Variants in ADAMTS18 observed in about 807,000 individuals in gnomAD.
The protein encoded by ADAMTS18 is A disintegrin and metalloproteinase with thrombospondin motifs 18.
A neutral mutation model predicts 165.9 loss-of-function variants in ADAMTS18; 157 were observed. That is an observed-to-expected ratio of 0.95 (90% CI 0.83 to 1.08). ADAMTS18 has a LOEUF of 1.08. Among genes scored for constraint, ADAMTS18 ranks in the 50% least tolerant of loss-of-function variants. The probability of loss-of-function intolerance (pLI) is 0.00; values close to 1 mark genes in which losing one functional copy is unlikely to be tolerated. For missense variants in ADAMTS18, 2,040 were observed against 1,534.0 expected, an observed-to-expected ratio of 1.33 and a Z score of -5.51; for synonymous variants, 782 against 578.2, an observed-to-expected ratio of 1.35 and a Z score of -5.06.
intron 16 of ADAMTS18, among the ~76,000 whole-genome samples, chr16:77,318,298 G>A (rs1238348411): frequency 6.6e-6 from 1 of 152,124 alleles, no homozygotes; most frequent in Non-Finnish European, 1.5e-5. Context: ...ACCTCCCACA[G>A]AGGCAACCAT....
Position 77,341,784 on chromosome 16 carries a change from G to C in ADAMTS18, c.1630C>G (p.Leu544Val). The C allele has an allele frequency of 6.2e-7, 1 of 1,612,344 alleles. No individual in the cohort carries two copies. Among genetic ancestry groups the C allele is most frequent in the Non-Finnish European group, 8.5e-7 (1 of 1,179,258 alleles). The change falls in exon 11 of 23, where the codon CTT becomes GTT. Residue 544 changes from leucine (L) to valine (V), a missense_variant. Transcript: ENST00000282849. ...CTGTGGCCTACTCGGTGGCACCAAAGTGATTTGCAAATATCCTGAAATAAA... is the reference window on the plus strand; with the variant it reads ...CTGTGGCCTACTCGGTGGCACCAAACTGATTTGCAAATATCCTGAAATAAA... ...LGFVKDICKS[L>V]WCHRVGHRCE... is the part of the protein sequence containing the mutation.
At chr16:77,408,187 T>C (rs1362759387) in intron 3 of ADAMTS18, among the ~76,000 whole-genome samples, 1 of 152,112 alleles carries the variant, frequency 6.6e-6, no homozygotes, top group East Asian at 1.9e-4. Context: ...GATTAAACTT[T>C]AAAAACACAA....
At chr16:77,287,918 T>TTTAAG (rs1369483039) in intron 22 of ADAMTS18, among the ~76,000 whole-genome samples, 2 of 152,016 alleles carry the variant, frequency 1.3e-5, no homozygotes, top group Non-Finnish European at 2.9e-5. Flanking sequence ...AACAGGACCT[T>TTTAAG]TTAAGAATAG....
chr16:77,298,494 A>T (rs1347760240), intron 17 of ADAMTS18, among the ~76,000 whole-genome samples: 1 of 152,164 alleles, frequency 6.6e-6, no homozygotes, highest in Non-Finnish European at 1.5e-5. Context: ...GGAGGCACTT[A>T]CGAAAACCAC....
At position 77,434,778 on chromosome 16, in the gene ADAMTS18, C is replaced by T; in HGVS notation, c.-83G>A. The T allele has an allele frequency of 8.5e-7, 1 of 1,177,470 alleles. No homozygotes were observed. The highest frequency in any genetic ancestry group is 1.1e-6 in the Non-Finnish European group (1 of 915,186). 72.9% of individuals were successfully genotyped at this position (1,177,470 alleles called of 1,614,324 possible). A position where few individuals can be genotyped will look rare whatever the true frequency, so the allele number is the denominator to read the frequency against. ...GCGGCGCGCATTCTTTCCGCGGCCC[C>T]GGAGCTCGGCGCCCCAGGTGCGGCT... On this transcript the variant is annotated 5_prime_UTR_variant, in exon 1 of 23. Transcript: ENST00000282849.
chr16:77,374,803 T>G (rs371250985), intron 3 of ADAMTS18, among the ~76,000 whole-genome samples: 16 of 152,162 alleles, frequency 1.1e-4, no homozygotes, highest in African/African-American at 3.6e-4. Context: ...ACAAACACTT[T>G]GTCTCACATA....
chr16:77,373,622 C>T (rs1035364811), intron 3 of ADAMTS18, among the ~76,000 whole-genome samples: 3 of 152,000 alleles, frequency 2.0e-5, no homozygotes, highest in African/African-American at 4.8e-5. Context: ...GTATACTGCT[C>T]AGGTGGTGAT....
intron 3 of ADAMTS18, among the ~76,000 whole-genome samples, chr16:77,375,647 G>T (rs1421646765): frequency 6.6e-6 from 1 of 152,194 alleles, no homozygotes; most frequent in Non-Finnish European, 1.5e-5. Flanking sequence ...CTGCTAAGAA[G>T]GAGATGGACT....
At chr16:77,332,123 G>C (rs529423761) in intron 12 of ADAMTS18, among the ~76,000 whole-genome samples, 4 of 152,196 alleles carry the variant, frequency 2.6e-5, no homozygotes, top group Non-Finnish European at 4.4e-5. Flanking sequence ...GGAAGACTAA[G>C]TTGTCTGTGG....
chr16:77,379,692 T>C (rs552233772), intron 3 of ADAMTS18, among the ~76,000 whole-genome samples: 17 of 152,232 alleles, frequency 1.1e-4, no homozygotes, highest in African/African-American at 3.9e-4. Flanking sequence ...GGTTTTAGCA[T>C]GTTGGCCAGG....
At chr16:77,286,748 A>AT (rs1341083367) in intron 22 of ADAMTS18, among the ~76,000 whole-genome samples, 4 of 152,072 alleles carry the variant, frequency 2.6e-5, no homozygotes, top group African/African-American at 9.7e-5. Context: ...TCCTTAACTT[A>AT]ATATGACTAG....
chr16:77,371,207 TCTGACTCAATTAAAAACAAAAACAAAAA>T (rs1338504289), intron 3 of ADAMTS18, among the ~76,000 whole-genome samples: 1 of 150,326 alleles, frequency 6.7e-6, no homozygotes, highest in Non-Finnish European at 1.5e-5. Flanking sequence ...AGAGCAAGAC[TCTGACTCAATTAAAAACAAAAACAAAAA>T]CAAAAACAAA....
rs577049363 is a variant in ADAMTS18, at chr16:77,312,027, T to C, written c.2532+7822A>G. 2.0e-5 allele frequency among the ~76,000 whole-genome samples: 3 copies of C among 152,310 alleles called. No individual in the cohort carries two copies. The South Asian group carries it at 6.2e-4, about 32-fold the overall frequency. ...ATTATTTTTAAAAACATATTATACATATCCAATTGAACCTGGGGAAGACTT... is the reference window on the plus strand; with the variant it reads ...ATTATTTTTAAAAACATATTATACACATCCAATTGAACCTGGGGAAGACTT... On this transcript the variant is annotated intron_variant, in intron 16 of 22. Transcript: ENST00000282849.
intron 12 of ADAMTS18, 31 bp downstream of exon 12, chr16:77,335,725 T>C (rs1411139783): frequency 6.2e-7 from 1 of 1,613,998 alleles, no homozygotes; most frequent in African/African-American, 1.3e-5. Flanking sequence ...GTTAAGGCCT[T>C]GCAAAGACTA....
chr16:77,300,287 C>G lies in ADAMTS18; in HGVS notation c.2650G>C (p.Glu884Gln), dbSNP rs765459093. The G allele has an allele frequency of 5.6e-6, 9 of 1,614,126 alleles. No homozygotes were observed. Among genetic ancestry groups the G allele is most frequent in the Non-Finnish European group, 2.5e-6 (3 of 1,179,990 alleles). The change falls in exon 17 of 23, where the codon GAG becomes CAG. Residue 884 changes from glutamate (E) to glutamine (Q), a missense_variant. By Grantham distance (29) the Glu-to-Gln change is conservative. Coordinates refer to ENST00000282849, the MANE Select transcript of ADAMTS18 (RefSeq NM_199355.4). The stretch of plus-strand genomic sequence containing the variant: ...CCTCCACCACAGGAGACGGAGCACT[C>G]TGACTGCACGATACTCCAGGTATAG... Reference protein sequence around the residue: ...PAYTWSIVQSECSVSCGGGYI... With the variant: ...PAYTWSIVQSQCSVSCGGGYI...
chr16:77,363,083 G>C (rs2056739495), intron 6 of ADAMTS18, among the ~76,000 whole-genome samples: 6 of 152,152 alleles, frequency 3.9e-5, no homozygotes, highest in Admixed American at 3.9e-4. Context: ...CAGAAGAAGA[G>C]GAAAAGCCTC....
intron 13 of ADAMTS18, among the ~76,000 whole-genome samples, chr16:77,322,681 C>G (rs2056024626): frequency 6.6e-6 from 1 of 152,120 alleles, no homozygotes; most frequent in Non-Finnish European, 1.5e-5. Context: ...TAATACGTAA[C>G]AATTTTATTT....
At chr16:77,434,326 G>T in intron 2 of ADAMTS18, 92 bp downstream of exon 2, 1 of 1,410,964 alleles carries the variant, frequency 7.1e-7, no homozygotes, top group Non-Finnish European at 9.7e-7. Flanking sequence ...CCAGGTTAGG[G>T]GGTGCGCTTT....
intron 3 of ADAMTS18, among the ~76,000 whole-genome samples, chr16:77,398,841 TG>T (rs2057291850): frequency 6.6e-6 from 1 of 152,046 alleles, no homozygotes; most frequent in Non-Finnish European, 1.5e-5. Flanking sequence ...TGTTAAGAAG[TG>T]TAAGTTTAAG....
Sources: allele counts gnomAD v4.1 joint callset (sites outside exome capture counted in the v4.1 genomes callset), GRCh38; gene constraint gnomAD v4.1.1; transcripts MANE v1.5; gene names NCBI Gene and HGNC (gene_info 2026-07-23, HGNC 2026-07-21).